FAT3: variants seen among roughly 807,000 people sequenced by gnomAD.
FAT3 encodes FAT atypical cadherin 3, also known as protocadherin Fat 3.
Under a neutral mutation model 310.2 loss-of-function variants are expected in FAT3, and 95 were observed. The ratio of observed to expected loss-of-function variants is 0.31; its 90% CI spans 0.26 to 0.36. The LOEUF is 0.36. FAT3 is among the 10% of genes least tolerant of loss of function. The pLI is 1.00. For synonymous variants in FAT3, 2,314 were observed against 2,192.9 expected (o/e 1.06, Z -1.54); for missense variants, 5,408 against 5,715.6 (o/e 0.95, Z 1.74).
chr11:92,768,191 T>G (rs1422887520), intron 6 of FAT3, among the ~76,000 whole-genome samples: 2 of 152,210 alleles, frequency 1.3e-5, no homozygotes, highest in African/African-American at 4.8e-5. Context: ...GGTCTCTGAA[T>G]GAGGACCTAC....
At chr11:92,592,477 A>G (rs1939483817) in intron 3 of FAT3, among the ~76,000 whole-genome samples, 1 of 151,758 alleles carries the variant, frequency 6.6e-6, no homozygotes, top group Non-Finnish European at 1.5e-5. Context: ...GCGTGCCACC[A>G]CAGCTGGCTA....
At chr11:92,676,780 C>T (rs552003180) in intron 3 of FAT3, among the ~76,000 whole-genome samples, 5 of 152,272 alleles carry the variant, frequency 3.3e-5, no homozygotes, top group South Asian at 4.1e-4. Context: ...ACTTTAATTG[C>T]TGTTTCATTT....
intron 4 of FAT3, among the ~76,000 whole-genome samples, chr11:92,705,780 ATGGTGGTGGTGTGATGGTGTTGGTGT>A (rs1944311567): frequency 3.8e-5 from 1 of 25,990 alleles, no homozygotes; most frequent in Non-Finnish European, 7.1e-5. Context: ...GGTGGTGGTG[ATGGTGGTGGTGTGATGGTGTTGGTGT>A]TGGTGGTGGT....
chr11:92,470,501 A>G (rs924566771), intron 2 of FAT3, among the ~76,000 whole-genome samples: 1 of 152,218 alleles, frequency 6.6e-6, no homozygotes, highest in Non-Finnish European at 1.5e-5. Flanking sequence ...ACTGGGGTAC[A>G]AATTGCCTTT....
At chr11:92,746,913 G>A (rs1945688132) in intron 4 of FAT3, among the ~76,000 whole-genome samples, 1 of 152,226 alleles carries the variant, frequency 6.6e-6, no homozygotes, top group South Asian at 2.1e-4. Flanking sequence ...ATGGCCTTGA[G>A]TAGCTCCACT....
At chr11:92,819,009 G>A (rs1394108654) in intron 13 of FAT3, among the ~76,000 whole-genome samples, 1 of 152,144 alleles carries the variant, frequency 6.6e-6, no homozygotes, top group Non-Finnish European at 1.5e-5. Flanking sequence ...TCCACTTCAG[G>A]CACTGCGCCA....
rs1452573888 is a variant in FAT3 at position 92,799,196 on chromosome 11, C to T, written c.6183C>T (p.Asp2061=). The stretch of plus-strand genomic sequence containing the variant: ...TGGTAGAAGCCAGCCGTGAGCTGGA[C>T]CATCTGCGTGTGGCCAGAGTGGTGG... ...ELVVEASREL[D]HLRVARVVVR... The change falls in exon 10 of 28, where the codon GAC becomes GAT. Residue 2061 remains aspartate (D), a synonymous_variant. Coordinates refer to ENST00000525166, the MANE Select transcript of FAT3 (RefSeq NM_001367949.2). 4.3e-6 allele frequency: 7 copies of T among 1,613,890 alleles called. No homozygotes were observed. The highest frequency in any genetic ancestry group is 3.3e-5 in the Admixed American group (2 of 60,020).
At chr11:92,542,615 A>G (rs1245044494) in intron 3 of FAT3, among the ~76,000 whole-genome samples, 1 of 152,074 alleles carries the variant, frequency 6.6e-6, no homozygotes, top group Admixed American at 6.6e-5. Flanking sequence ...ATCATCAGAG[A>G]AATGCAAATT....
intron 13 of FAT3, among the ~76,000 whole-genome samples, chr11:92,826,147 TC>T: frequency 6.6e-6 from 1 of 152,298 alleles, no homozygotes; most frequent in East Asian, 1.9e-4. Context: ...AGCCTGTGTC[TC>T]CTGCAAGAAA....
intron 3 of FAT3, among the ~76,000 whole-genome samples, chr11:92,638,314 G>C (rs141985981): frequency 6.6e-6 from 1 of 152,202 alleles, no homozygotes; most frequent in Non-Finnish European, 1.5e-5. Context: ...ACCAAATGCA[G>C]TAAAGCAGTC....
intron 1 of FAT3, among the ~76,000 whole-genome samples, chr11:92,229,795 C>CTTTTTTTTTTT (rs375129999): frequency 9.3e-6 from 1 of 107,920 alleles, no homozygotes; most frequent in Non-Finnish European, 2.0e-5. Context: ...GATTTTTTTT[C>CTTTTTTTTTTT]TTTTTTTTTT....
At chr11:92,417,146 T>G (rs942042533) in intron 2 of FAT3, among the ~76,000 whole-genome samples, 2 of 152,236 alleles carry the variant, frequency 1.3e-5, no homozygotes, top group Non-Finnish European at 2.9e-5. Flanking sequence ...TGATAGTTCT[T>G]AAGAATCCAT....
intron 2 of FAT3, chr11:92,498,024 G>A (rs73550939): frequency 0.028 from 4,282 of 151,996 alleles, 66 homozygotes; most frequent in Middle Eastern, 0.082. Flanking sequence ...GGGACAGATG[G>A]ACCTGCTCCT....
Position 92,883,013 on chromosome 11 carries a change from G to T in FAT3, c.12557G>T (p.Arg4186Leu), listed in dbSNP as rs1565676892. The change falls in exon 24 of 28, where the codon CGC becomes CTC. Residue 4186 changes from arginine to leucine, a missense_variant. Arg to Leu is a moderately radical substitution (Grantham distance 102). Coordinates refer to ENST00000525166, the MANE Select transcript of FAT3 (RefSeq NM_001367949.2). This position sits in a 1 kb window ranked among gnomAD's most constrained non-coding sequence, Gnocchi z 4.2. Reference protein sequence around the residue: ...RKKVFRKNYSRNNITLVQDPA... With the variant: ...RKKVFRKNYSLNNITLVQDPA... Reference sequence around the variant, plus strand: ...AAGGTCTTCCGCAAGAACTACTCCCGCAACAACATCACGCTAGTGCAGGAC... The same window carrying T: ...AAGGTCTTCCGCAAGAACTACTCCCTCAACAACATCACGCTAGTGCAGGAC... 6.2e-7 allele frequency: 1 copy of T among 1,613,880 alleles called. No individual in the cohort carries two copies. The highest frequency in any genetic ancestry group is 8.5e-7 in the Non-Finnish European group (1 of 1,179,900).
chr11:92,244,567 T>A (rs1864817621), intron 1 of FAT3, among the ~76,000 whole-genome samples: 1 of 152,126 alleles, frequency 6.6e-6, no homozygotes, highest in Non-Finnish European at 1.5e-5. Context: ...CACCAGTGCA[T>A]GCATCGGTGG....
chr11:92,614,791 CAAGGTCACA>C (rs1940724103), intron 3 of FAT3, among the ~76,000 whole-genome samples: 1 of 152,158 alleles, frequency 6.6e-6, no homozygotes, highest in African/African-American at 2.4e-5. Context: ...GCTTCTAACT[CAAGGTCACA>C]AAGATTTAAT....
At position 92,428,314 on chromosome 11, in the gene FAT3, CA is replaced by C. The variant is rs1204153889; in HGVS notation, c.3292+72923del. 2.8e-3 allele frequency among the ~76,000 whole-genome samples: 358 copies of C among 127,078 alleles called. 1 individual carries two copies. Among genetic ancestry groups the C allele is most frequent in the South Asian group, 0.014 (54 of 3,850 alleles). The allele number at this position is 127,078 out of a possible 152,430, so 83.4% of individuals were successfully genotyped here. On this transcript the variant is annotated intron_variant, in intron 2 of 27. Transcript: ENST00000525166. ...AGTCTATCTATTTTGTTAATCTTTT[CA>C]AAAAAAAAAAAACAGCCCTTGGATT...
chr11:92,259,420 A>G (rs987209), intron 1 of FAT3, among the ~76,000 whole-genome samples: 51,193 of 151,930 alleles, frequency 0.34, 9,173 homozygotes, highest in South Asian at 0.49. Context: ...AATTTTGAGC[A>G]GCACATACAT....
rs755252354 is a variant in FAT3 at position 92,641,756 on chromosome 11, A to G, written c.3608-55628A>G. 7.0e-4 allele frequency among the ~76,000 whole-genome samples: 107 copies of G among 152,390 alleles called. 1 individual carries two copies. The highest frequency in any genetic ancestry group is 1.4e-3 in the Non-Finnish European group (95 of 68,042). On this transcript the variant is annotated intron_variant, in intron 3 of 27. Coordinates refer to ENST00000525166, the MANE Select transcript of FAT3 (RefSeq NM_001367949.2). ...ACATTCACGTATTCCAAGGGCTAGA[A>G]TAGATATGTCTTTTGGGGGTACCCC... is the stretch of plus-strand genomic sequence containing the variant.
Sources: gnomAD v4.1 joint callset for allele counts (sites outside exome capture counted in the v4.1 genomes callset) on GRCh38, gnomAD v4.1.1 for gene constraint, Gnocchi (gnomAD v3.1) non-coding constraint, MANE v1.5 for transcripts, NCBI Gene and HGNC (gene_info 2026-07-23, HGNC 2026-07-21) for gene names.